The following CBLN2 variants were observed in gnomAD, a reference collection of about 807,000 sequenced individuals.
The protein encoded by CBLN2 is cerebellin 2 precursor, also known as cerebellin-2.
CBLN2 carries 7 observed loss-of-function variants against 15.0 expected under a neutral mutation model. That is an observed-to-expected ratio of 0.47 (90% confidence interval 0.27 to 0.88). The LOEUF is 0.88. CBLN2 is among the 40% of genes least tolerant of loss of function. CBLN2 has a pLI of 0.14. For synonymous variants in CBLN2, 149 were observed against 135.2 expected (o/e 1.10, Z -0.71); for missense variants, 242 against 304.5 (o/e 0.79, Z 1.53).
chr18:72,602,277 G>A (rs2069553888), intron 1 of CBLN2, among the ~76,000 whole-genome samples: 1 of 152,226 alleles, frequency 6.6e-6, no homozygotes, highest in African/African-American at 2.4e-5. Context: ...TAAGGGAGGG[G>A]ATGGTGGACG....
At chr18:72,636,659 AC>A (rs1406344102) in intron 1 of CBLN2, among the ~76,000 whole-genome samples, 4 of 152,202 alleles carry the variant, frequency 2.6e-5, no homozygotes, top group South Asian at 2.1e-4. Context: ...GCAATAGATA[AC>A]ACCCAACTCT....
At chr18:72,539,181 GAACA>G (rs565067730) in intron 3 of CBLN2, 157 of 162,796 alleles carry the variant, frequency 9.6e-4, no homozygotes, top group African/African-American at 2.0e-3. Context: ...ACAAAAAAAC[GAACA>G]AACAAACAAA....
At chr18:72,577,878 T>C (rs569768108) in intron 1 of CBLN2, among the ~76,000 whole-genome samples, 5 of 152,332 alleles carry the variant, frequency 3.3e-5, no homozygotes, top group Admixed American at 1.3e-4. Context: ...ATTAGAGCAT[T>C]GTGAAGTGAA....
intron 1 of CBLN2, among the ~76,000 whole-genome samples, chr18:72,554,651 C>T (rs1179306151): frequency 6.6e-6 from 1 of 151,206 alleles, no homozygotes; most frequent in Non-Finnish European, 1.5e-5. Flanking sequence ...AAATTGAATG[C>T]CTGCAAAGAA....
chr18:72,566,076 C>G (rs1300362709), intron 1 of CBLN2, among the ~76,000 whole-genome samples: 1 of 152,090 alleles, frequency 6.6e-6, no homozygotes, highest in Admixed American at 6.5e-5. Context: ...TGCTAAAAGT[C>G]ACAAATCATC....
chr18:72,589,363 T>C (rs2069464074), intron 1 of CBLN2, among the ~76,000 whole-genome samples: 1 of 152,210 alleles, frequency 6.6e-6, no homozygotes, highest in South Asian at 2.1e-4. Flanking sequence ...GTTGATTTCA[T>C]TTGTAATGAG....
intron 1 of CBLN2, among the ~76,000 whole-genome samples, chr18:72,571,264 G>T (rs2069330573): frequency 6.6e-6 from 1 of 151,958 alleles, no homozygotes; most frequent in African/African-American, 2.4e-5. Flanking sequence ...AACACTTAAG[G>T]ACTATAAAAT....
chr18:72,634,750 T>G (rs2069800938), intron 1 of CBLN2, among the ~76,000 whole-genome samples: 1 of 152,122 alleles, frequency 6.6e-6, no homozygotes, highest in Admixed American at 6.5e-5. Context: ...CAAATAAAAT[T>G]TTACAGCTTA....
At chr18:72,626,685 G>A (rs2069741790) in intron 1 of CBLN2, among the ~76,000 whole-genome samples, 1 of 152,136 alleles carries the variant, frequency 6.6e-6, no homozygotes, top group South Asian at 2.1e-4. Context: ...TGGCGACAGA[G>A]TGAGACTCTG....
intron 1 of CBLN2, among the ~76,000 whole-genome samples, chr18:72,616,527 G>T (rs2069663330): frequency 6.6e-6 from 1 of 152,226 alleles, no homozygotes; most frequent in East Asian, 1.9e-4. Flanking sequence ...CTTTGTTCTG[G>T]ACTCTTGCCC....
In CBLN2 at chr18:72,563,954, T is replaced by G. The variant is rs116912402; in HGVS notation, c.16-25182A>C. 3.9e-4 allele frequency among the ~76,000 whole-genome samples: 60 copies of G among 152,354 alleles called. 1 individual carries two copies. In the East Asian group the frequency reaches 7.5e-3, roughly 19 times the overall value. ...CTGACATTCTATGAATGTCATTCTA[T>G]GACGTTCTAAAGAAATTGCATTGAA... On this transcript the variant is annotated intron_variant, in intron 1 of 2. Transcript: ENST00000581073.
chr18:72,540,863 C>T (rs1008853358), intron 3 of CBLN2, among the ~76,000 whole-genome samples: 6 of 152,188 alleles, frequency 3.9e-5, no homozygotes, highest in African/African-American at 1.4e-4. Flanking sequence ...TCAGTGACTG[C>T]CAGGCGCCCC....
At chr18:72,569,075 A>C (rs2144903585) in intron 1 of CBLN2, among the ~76,000 whole-genome samples, 1 of 152,316 alleles carries the variant, frequency 6.6e-6, no homozygotes, top group African/African-American at 2.4e-5. Context: ...CTTTTGGAAA[A>C]CTAGTTGTTA....
chr18:72,562,885 G>T (rs2069270645), intron 1 of CBLN2, among the ~76,000 whole-genome samples: 1 of 152,208 alleles, frequency 6.6e-6, no homozygotes, highest in Non-Finnish European at 1.5e-5. Flanking sequence ...CCTGCTGGCA[G>T]TTGCTAGTTT....
intron 1 of CBLN2, among the ~76,000 whole-genome samples, chr18:72,587,630 T>C (rs1394449668): frequency 2.6e-5 from 4 of 152,138 alleles, no homozygotes; most frequent in East Asian, 1.9e-4. Flanking sequence ...GGTGACTCTT[T>C]CTGTTTGACT....
upstream of CBLN2, among the ~76,000 whole-genome samples, chr18:72,548,287 A>G (rs2069171059): frequency 6.6e-6 from 1 of 152,220 alleles, no homozygotes; most frequent in Non-Finnish European, 1.5e-5. Context: ...GAAGAAATGT[A>G]ACTCAAATAT....
chr18:72,569,153 A>T (rs1424346655), intron 1 of CBLN2, among the ~76,000 whole-genome samples: 1 of 152,186 alleles, frequency 6.6e-6, no homozygotes, highest in African/African-American at 2.4e-5. Context: ...TTTTAAGAGA[A>T]CCAGTTTACC....
chr18:72,609,599 C>T (rs924866329), intron 1 of CBLN2, among the ~76,000 whole-genome samples: 1 of 152,110 alleles, frequency 6.6e-6, no homozygotes, highest in Non-Finnish European at 1.5e-5. Context: ...TCCTGCATAA[C>T]CTCTACCTAC....
chr18:72,615,720 C>T (rs952237909), intron 1 of CBLN2, among the ~76,000 whole-genome samples: 1 of 152,042 alleles, frequency 6.6e-6, no homozygotes, highest in East Asian at 1.9e-4. Context: ...GTCTATGAAG[C>T]GTGACCAGCA....
Sources: allele counts gnomAD v4.1 joint callset (sites outside exome capture counted in the v4.1 genomes callset), GRCh38; gene constraint gnomAD v4.1.1; transcripts MANE v1.5; gene names NCBI Gene and HGNC (gene_info 2026-07-23, HGNC 2026-07-21).